COMMD10: variants seen among roughly 807,000 people sequenced by gnomAD.
COMMD10 encodes the protein COMM domain containing 10, also known as COMM domain-containing protein 10.
A neutral mutation model predicts 28.9 loss-of-function variants in COMMD10; 33 were observed. The ratio of observed to expected loss-of-function variants is 1.14; its 90% CI spans 0.87 to 1.53. The LOEUF (loss-of-function observed/expected upper bound fraction) is 1.53. Among genes scored for constraint, COMMD10 ranks in the 40% most tolerant of loss-of-function variants. The pLI is 0.00. For synonymous variants in COMMD10, 110 were observed against 81.7 expected (o/e 1.35, Z -1.87); for missense variants, 310 against 233.4 (o/e 1.33, Z -2.14).
chr5:116,257,336 T>C (rs1252960064), intron 5 of COMMD10, among the ~76,000 whole-genome samples: 1 of 151,740 alleles, frequency 6.6e-6, no homozygotes, highest in South Asian at 2.1e-4. Flanking sequence ...AGATTTTAAA[T>C]ATATAACTTG....
At chr5:116,088,120 A>T (rs1750169993) in intron 2 of COMMD10, among the ~76,000 whole-genome samples, 1 of 152,182 alleles carries the variant, frequency 6.6e-6, no homozygotes, top group Non-Finnish European at 1.5e-5. Flanking sequence ...AAGTTAATTT[A>T]GTTAATTTCT....
intron 5 of COMMD10, among the ~76,000 whole-genome samples, chr5:116,186,539 TG>T (rs1233698518): frequency 1.3e-5 from 2 of 152,172 alleles, no homozygotes; most frequent in Admixed American, 6.6e-5. Flanking sequence ...TGTGATCTTC[TG>T]AAGGAGGTTT....
intron 5 of COMMD10, among the ~76,000 whole-genome samples, chr5:116,219,248 T>C (rs1749181077): frequency 6.6e-6 from 1 of 152,054 alleles, no homozygotes; most frequent in South Asian, 2.1e-4. Context: ...CTGTGGCATT[T>C]CGTTAATGGC....
At chr5:116,239,545 T>G (rs1451246178) in intron 5 of COMMD10, among the ~76,000 whole-genome samples, 1 of 151,892 alleles carries the variant, frequency 6.6e-6, no homozygotes, top group Non-Finnish European at 1.5e-5. Context: ...AAAATCTGAC[T>G]CTTGTAGCAT....
chr5:116,188,761 T>G (rs980519384), intron 5 of COMMD10, among the ~76,000 whole-genome samples: 2 of 151,566 alleles, frequency 1.3e-5, no homozygotes, highest in Non-Finnish European at 2.9e-5. Context: ...CCCAAGTAGC[T>G]GAGACTACAG....
intron 1 of COMMD10, chr5:116,085,709 AAC>A (rs1750070618): frequency 6.6e-6 from 1 of 152,204 alleles, no homozygotes; most frequent in Non-Finnish European, 1.5e-5. Context: ...GCTCCCCTTT[AAC>A]ATTATTTAAG....
At chr5:116,194,686 T>A (rs1178337533) in intron 5 of COMMD10, among the ~76,000 whole-genome samples, 1 of 151,970 alleles carries the variant, frequency 6.6e-6, no homozygotes, top group African/African-American at 2.4e-5. Context: ...GTTAAAAAAT[T>A]ACCAACAAGA....
chr5:116,097,911 C>G (rs974188617), intron 4 of COMMD10, among the ~76,000 whole-genome samples: 2 of 152,160 alleles, frequency 1.3e-5, no homozygotes, highest in African/African-American at 4.8e-5. Context: ...CTAAAGCATT[C>G]ATGAGAAGCC....
At chr5:116,163,423 T>TAAAAAAAAA (rs58449487) in intron 5 of COMMD10, among the ~76,000 whole-genome samples, 2 of 92,528 alleles carry the variant, frequency 2.2e-5, no homozygotes, top group African/African-American at 1.1e-4. Context: ...CACCTCTACT[T>TAAAAAAAAA]AAAAAAAAAA....
chr5:116,206,417 A>C (rs2112628816), intron 5 of COMMD10, among the ~76,000 whole-genome samples: 1 of 152,230 alleles, frequency 6.6e-6, no homozygotes, highest in South Asian at 2.1e-4. Flanking sequence ...TTGGGAGGCC[A>C]AGGTGGGCAG....
At chr5:116,276,096 T>C (rs956152584) in intron 5 of COMMD10, among the ~76,000 whole-genome samples, 1 of 151,166 alleles carries the variant, frequency 6.6e-6, no homozygotes, top group Admixed American at 6.6e-5. Flanking sequence ...AGCAGGTGGA[T>C]AGGAGGGGGA....
At chr5:116,263,516 T>G (rs113963298) in intron 5 of COMMD10, among the ~76,000 whole-genome samples, 53 of 151,864 alleles carry the variant, frequency 3.5e-4, no homozygotes, top group African/African-American at 1.3e-3. Context: ...TCTTTCCAGA[T>G]CCAGGCGATA....
In COMMD10 at chr5:116,245,890, CA is replaced by C. The variant is rs368382215; in HGVS notation, c.511-45623del. 5.7e-3 allele frequency among the ~76,000 whole-genome samples: 872 copies of C among 152,208 alleles called. 11 individuals carry two copies. Among genetic ancestry groups the C allele is most frequent in the African/African-American group, 0.02 (832 of 41,550 alleles). Reference sequence around the variant, plus strand: ...CACAGCCAACATCATACTGAATGAGCAAAAGCTGGAAGCATTCCCCTTAAAA... The same window carrying C: ...CACAGCCAACATCATACTGAATGAGCAAAGCTGGAAGCATTCCCCTTAAAA... On this transcript the variant is annotated intron_variant, in intron 5 of 6. Coordinates refer to ENST00000274458, the MANE Select transcript of COMMD10 (RefSeq NM_016144.4).
chr5:116,259,612 C>A (rs1214233289), intron 5 of COMMD10, among the ~76,000 whole-genome samples: 1 of 151,624 alleles, frequency 6.6e-6, no homozygotes, highest in African/African-American at 2.4e-5. Flanking sequence ...GTATTTATTT[C>A]ATCAGCCCAA....
rs140307563 is a variant in COMMD10, at chr5:116,087,476, CTG to C, written c.42-19_42-18del. On this transcript the variant is annotated intron_variant, in intron 1 of 6. Coordinates refer to ENST00000274458, the MANE Select transcript of COMMD10 (RefSeq NM_016144.4). ...AACTTGGAAAACTCATTTCAAAACTCTGTTTTATAATTTTGTTTAGCATGAAG... is the reference window on the plus strand; with the variant it reads ...AACTTGGAAAACTCATTTCAAAACTCTTTTATAATTTTGTTTAGCATGAAG... 2,121 of 1,496,294 alleles carry C rather than the reference CTG, an allele frequency of 1.4e-3. 51 individuals carry two copies. In the East Asian group the frequency reaches 0.042, roughly 30 times the overall value. The allele number at this position is 1,496,294 out of a possible 1,614,324, so 92.7% of individuals were successfully genotyped here.
intron 5 of COMMD10, among the ~76,000 whole-genome samples, chr5:116,144,256 G>T (rs1446862744): frequency 6.6e-6 from 1 of 151,842 alleles, no homozygotes; most frequent in Non-Finnish European, 1.5e-5. Flanking sequence ...GACAGTGATT[G>T]GGAAGGAACA....
chr5:116,098,050 C>G (rs1580442048), intron 4 of COMMD10, among the ~76,000 whole-genome samples: 1 of 152,154 alleles, frequency 6.6e-6, no homozygotes, highest in South Asian at 2.1e-4. Context: ...GGAAATAAAA[C>G]TTTAGAAAAT....
chr5:116,274,282 C>T (rs1305234700), intron 5 of COMMD10, among the ~76,000 whole-genome samples: 1 of 151,844 alleles, frequency 6.6e-6, no homozygotes, highest in African/African-American at 2.4e-5. Flanking sequence ...TAATTTGAGA[C>T]ATTTGTCTAC....
At chr5:116,241,546 A>T (rs953749923) in intron 5 of COMMD10, among the ~76,000 whole-genome samples, 1 of 151,828 alleles carries the variant, frequency 6.6e-6, no homozygotes, top group African/African-American at 2.4e-5. Flanking sequence ...CTAGTTCTTA[A>T]TATGGTAAAA....
Sources: allele counts gnomAD v4.1 joint callset (sites outside exome capture counted in the v4.1 genomes callset), GRCh38; gene constraint gnomAD v4.1.1; transcripts MANE v1.5; gene names NCBI Gene and HGNC (gene_info 2026-07-23, HGNC 2026-07-21).